Variants in PARD3B observed in about 807,000 individuals in gnomAD.
The protein encoded by PARD3B is par-3 family cell polarity regulator beta.
A neutral mutation model predicts 130.2 loss-of-function variants in PARD3B; 103 were observed. The observed-to-expected ratio is 0.79, with a 90% CI of 0.67 to 0.93. PARD3B has a LOEUF of 0.93. PARD3B is among the 40% of genes least tolerant of loss of function. The pLI, the probability that PARD3B is intolerant of heterozygous loss-of-function variation, is 0.00. For synonymous variants in PARD3B, 583 were observed against 553.2 expected (o/e 1.05, Z -0.76); for missense variants, 1,609 against 1,499.2 (o/e 1.07, Z -1.21).
At chr2:205,181,251 T>C (rs2035771122) in intron 13 of PARD3B, among the ~76,000 whole-genome samples, 1 of 152,206 alleles carries the variant, frequency 6.6e-6, no homozygotes, top group Admixed American at 6.5e-5. Context: ...TTATTTCTAA[T>C]GTGTATCTTT....
chr2:205,611,069 C>T (rs2105792233), intron 22 of PARD3B, among the ~76,000 whole-genome samples: 1 of 152,272 alleles, frequency 6.6e-6, no homozygotes, highest in South Asian at 2.1e-4. Context: ...TGCTTGTACT[C>T]CATGCAGTAT....
chr2:205,003,480 CT>C (rs1369162903), intron 3 of PARD3B, among the ~76,000 whole-genome samples: 5 of 152,248 alleles, frequency 3.3e-5, no homozygotes, highest in African/African-American at 2.4e-5. Flanking sequence ...GGGCTTCCCC[CT>C]GATGGTGTCA....
At chr2:205,438,680 C>T (rs934522340) in intron 19 of PARD3B, among the ~76,000 whole-genome samples, 9 of 114,214 alleles carry the variant, frequency 7.9e-5, no homozygotes, top group South Asian at 3.6e-4. Flanking sequence ...CTAGGACTAA[C>T]AGGCATTGAA....
Position 205,116,254 on chromosome 2 carries a change from A to G in PARD3B, c.681-2667A>G, listed in dbSNP as rs1416456502. On this transcript the variant is annotated intron_variant, in intron 6 of 22. Transcript: ENST00000406610. This position sits in a 1 kb window ranked among gnomAD's most constrained non-coding sequence, Gnocchi z 4.5. The stretch of plus-strand genomic sequence containing the variant: ...CATGAAATCTAATTCGTTTCAGTAC[A>G]GATGCATAATATGCCTCAGTTTCAT... Among the ~76,000 whole-genome samples, 1 of 152,226 alleles carries G rather than the reference A, an allele frequency of 6.6e-6. No homozygotes were observed. The highest frequency in any genetic ancestry group is 6.5e-5 in the Admixed American group (1 of 15,282).
chr2:205,532,898 A>G (rs1028608196), intron 21 of PARD3B, among the ~76,000 whole-genome samples: 2 of 152,208 alleles, frequency 1.3e-5, no homozygotes, highest in South Asian at 4.1e-4. Context: ...AGCAAATTAT[A>G]GATAGATACA....
intron 1 of PARD3B, among the ~76,000 whole-genome samples, chr2:204,551,305 G>A (rs1391428056): frequency 6.6e-6 from 1 of 152,160 alleles, no homozygotes; most frequent in African/African-American, 2.4e-5. Flanking sequence ...ACAATGCTGG[G>A]CTTTACTTTC....
intron 20 of PARD3B, among the ~76,000 whole-genome samples, chr2:205,448,697 C>T (rs1304462336): frequency 1.3e-5 from 2 of 152,114 alleles, no homozygotes; most frequent in East Asian, 3.9e-4. Flanking sequence ...AATCCCAGCA[C>T]TCATCACTCG....
chr2:205,164,009 A>G (rs1156738549), intron 11 of PARD3B, among the ~76,000 whole-genome samples: 6 of 152,230 alleles, frequency 3.9e-5, no homozygotes, highest in Non-Finnish European at 4.4e-5. Context: ...AAACTCCTCA[A>G]ATGTAAGAAG....
At position 205,590,385 on chromosome 2, in the gene PARD3B, C is replaced by T. The variant is rs1032597128; in HGVS notation, c.3261-25071C>T. On this transcript the variant is annotated intron_variant, in intron 22 of 22. Coordinates refer to ENST00000406610, the MANE Select transcript of PARD3B (RefSeq NM_001302769.2). The surrounding 1 kb of genome is among the most constrained non-coding windows in gnomAD (Gnocchi z 4.1). ...CCCACAGCATCAGGCTTACTTCCCCCTCTTCTCAGCTACTCCACAAAAGAG... is the reference window on the plus strand; with the variant it reads ...CCCACAGCATCAGGCTTACTTCCCCTTCTTCTCAGCTACTCCACAAAAGAG... Among the ~76,000 whole-genome samples, 10 of 150,276 alleles carry T rather than the reference C, an allele frequency of 6.7e-5. No individual in the cohort carries two copies. The highest frequency in any genetic ancestry group is 1.2e-4 in the Non-Finnish European group (8 of 67,512).
chr2:205,156,760 C>T (rs915274062), intron 10 of PARD3B, among the ~76,000 whole-genome samples: 1 of 152,110 alleles, frequency 6.6e-6, no homozygotes, highest in Non-Finnish European at 1.5e-5. Context: ...AGTAGTCAAT[C>T]ATTGTTAGCC....
In PARD3B at chr2:205,460,393, G is replaced by GTGATGA. The variant is rs3077792; in HGVS notation, c.3044+19759_3044+19764dup. 0.021 allele frequency among the ~76,000 whole-genome samples: 3,104 copies of GTGATGA among 147,966 alleles called. 46 individuals carry two copies. The highest frequency in any genetic ancestry group is 0.047 in the East Asian group (231 of 4,928). ...ATTATCAAGACTAAGGATGTTGATA[G>GTGATGA]TGATGATGATGATGATGATGATGAT... On this transcript the variant is annotated intron_variant, in intron 20 of 22. Transcript: ENST00000406610. The surrounding 1 kb of genome is among the most constrained non-coding windows in gnomAD (Gnocchi z 4.9).
rs573391096 is a variant in PARD3B at position 205,156,336 on chromosome 2, A to G, written c.1435-2386A>G. On this transcript the variant is annotated intron_variant, in intron 10 of 22. Transcript: ENST00000406610. Reference sequence around the variant, plus strand: ...TAAATGACGAGTTAATGGGTGCAGCACACCAGCATGGCACATGTATACATA... The same window carrying G: ...TAAATGACGAGTTAATGGGTGCAGCGCACCAGCATGGCACATGTATACATA... Among the ~76,000 whole-genome samples the G allele has an allele frequency of 9.0e-3, 1,370 of 151,562 alleles. 15 individuals carry two copies. The highest frequency in any genetic ancestry group is 0.028 in the African/African-American group (1,173 of 41,206).
chr2:205,583,686 G>C (rs1247097707), intron 22 of PARD3B, among the ~76,000 whole-genome samples: 1 of 152,164 alleles, frequency 6.6e-6, no homozygotes, highest in African/African-American at 2.4e-5. Context: ...CAACCAAAAT[G>C]AATCATACCT....
chr2:205,543,257 A>G (rs188380435), intron 21 of PARD3B, among the ~76,000 whole-genome samples: 1 of 152,230 alleles, frequency 6.6e-6, no homozygotes, highest in East Asian at 1.9e-4. Context: ...AAAACTGTAC[A>G]TAAACCAGGC....
At chr2:204,998,176 G>T (rs1694403040) in intron 3 of PARD3B, among the ~76,000 whole-genome samples, 1 of 149,094 alleles carries the variant, frequency 6.7e-6, no homozygotes, top group African/African-American at 2.5e-5. Flanking sequence ...GTCATGGGGT[G>T]GGATCTAGGA....
At chr2:205,154,216 C>T (rs1212629838) in intron 10 of PARD3B, among the ~76,000 whole-genome samples, 1 of 152,008 alleles carries the variant, frequency 6.6e-6, no homozygotes, top group Non-Finnish European at 1.5e-5. Context: ...AACAAGCAAC[C>T]CCATCCAAAA....
chr2:204,698,646 A>T (rs1397543837), intron 2 of PARD3B, among the ~76,000 whole-genome samples: 1 of 151,982 alleles, frequency 6.6e-6, no homozygotes, highest in East Asian at 1.9e-4. Flanking sequence ...CATTACTTCA[A>T]AAATTATGTA....
At chr2:205,381,041 AAT>A (rs1491263095) in intron 18 of PARD3B, among the ~76,000 whole-genome samples, 1 of 61,848 alleles carries the variant, frequency 1.6e-5, no homozygotes, top group Admixed American at 2.8e-4. Flanking sequence ...ATATATAAAG[AAT>A]ATATATTATA....
intron 2 of PARD3B, among the ~76,000 whole-genome samples, chr2:204,951,546 A>G (rs1323830564): frequency 6.6e-6 from 1 of 152,142 alleles, no homozygotes; most frequent in Non-Finnish European, 1.5e-5. Context: ...TTTTAAGTTC[A>G]CTTTGTGTAT....
Sources: allele counts gnomAD v4.1 joint callset (sites outside exome capture counted in the v4.1 genomes callset), GRCh38; gene constraint gnomAD v4.1.1; non-coding constraint Gnocchi (gnomAD v3.1); transcripts MANE v1.5; gene names NCBI Gene and HGNC (gene_info 2026-07-23, HGNC 2026-07-21).